EDA: variants seen among roughly 807,000 people sequenced by gnomAD.
EDA encodes ectodysplasin A.
A neutral mutation model predicts 23.6 loss-of-function variants in EDA; 2 were observed. The ratio of observed to expected loss-of-function variants is 0.08; its 90% CI spans 0.03 to 0.27. EDA has a LOEUF of 0.27. EDA is among the 10% of genes least tolerant of loss of function. The pLI is 1.00. For synonymous variants in EDA, 131 were observed against 132.0 expected (o/e 0.99, Z 0.05); for missense variants, 229 against 324.2 (o/e 0.71, Z 2.26).
intron 1 of EDA, among the ~76,000 whole-genome samples, chrX:69,828,441 C>G (rs886911361): frequency 1.8e-5 from 2 of 112,009 alleles, no homozygotes; most frequent in African/African-American, 6.5e-5. Context: ...GCGCAGTATT[C>G]GGGTGGGAGT....
intron 1 of EDA, among the ~76,000 whole-genome samples, chrX:69,930,040 C>A (rs767970872): frequency 1.8e-5 from 2 of 111,369 alleles, no homozygotes; most frequent in Non-Finnish European, 3.8e-5. Context: ...CCTCATATGG[C>A]ATTCATCCCA....
chrX:69,701,584 T>C (rs976505881), intron 1 of EDA, among the ~76,000 whole-genome samples: 5 of 111,470 alleles, frequency 4.5e-5, no homozygotes, highest in Non-Finnish European at 1.9e-5. Flanking sequence ...GTTGTAGGAT[T>C]TGAGGGCCAC....
At chrX:69,868,723 C>T (rs921134861) in intron 1 of EDA, among the ~76,000 whole-genome samples, 1 of 112,120 alleles carries the variant, frequency 8.9e-6, no homozygotes, top group African/African-American at 3.2e-5. Flanking sequence ...AGTATATTGC[C>T]GGCCTTGCCA....
intron 1 of EDA, among the ~76,000 whole-genome samples, chrX:69,754,767 T>C (rs755959160): frequency 1.8e-5 from 2 of 111,720 alleles, no homozygotes; most frequent in East Asian, 5.6e-4. Context: ...CTTTTTACTC[T>C]TTTTTCTCTA....
intron 1 of EDA, among the ~76,000 whole-genome samples, chrX:69,702,479 GGCTGGGAAGATGGCA>G: frequency 9.0e-6 from 1 of 110,582 alleles, no homozygotes; most frequent in African/African-American, 3.3e-5. Context: ...GGAAGATGGT[GGCTGGGAAGATGGCA>G]GCTGAGAGGA....
At chrX:69,874,100 C>T (rs993660639) in intron 1 of EDA, among the ~76,000 whole-genome samples, 2 of 111,493 alleles carry the variant, frequency 1.8e-5, no homozygotes, top group Non-Finnish European at 3.8e-5. Flanking sequence ...CACCTGAGGT[C>T]GGAAGTTCAA....
intron 1 of EDA, among the ~76,000 whole-genome samples, chrX:69,763,671 A>G (rs1165167412): frequency 2.7e-5 from 3 of 112,016 alleles, no homozygotes; most frequent in Non-Finnish European, 5.6e-5. Context: ...AGCACTAGAG[A>G]TACTTCACTC....
chrX:69,816,682 C>T (rs376588234), intron 1 of EDA, among the ~76,000 whole-genome samples: 4 of 110,731 alleles, frequency 3.6e-5, no homozygotes, highest in Non-Finnish European at 3.8e-5. Context: ...CCAAACCATC[C>T]GAGAAATATG....
At chrX:69,815,306 T>C (rs928612715) in intron 1 of EDA, among the ~76,000 whole-genome samples, 2 of 111,554 alleles carry the variant, frequency 1.8e-5, no homozygotes, top group African/African-American at 6.5e-5. Flanking sequence ...GCCAAACTGC[T>C]TCTTTAAGCA....
chrX:69,885,412 T>C (rs190296786), intron 1 of EDA, among the ~76,000 whole-genome samples: 37 of 112,279 alleles, frequency 3.3e-4, no homozygotes, highest in African/African-American at 1.1e-3. Context: ...AATTTGACTA[T>C]TCTAAGTACC....
chrX:69,828,709 G>C (rs771702520), intron 1 of EDA, among the ~76,000 whole-genome samples: 2 of 112,196 alleles, frequency 1.8e-5, no homozygotes, highest in South Asian at 3.8e-4. Flanking sequence ...TTCCTATTCG[G>C]CCATCTTGGC....
intron 2 of EDA, among the ~76,000 whole-genome samples, chrX:69,963,112 C>A (rs971696484): frequency 1.8e-5 from 2 of 111,800 alleles, no homozygotes. Flanking sequence ...ACTTAGTATT[C>A]TTTTCTACTA....
chrX:69,833,595 T>C (rs1322986776), intron 1 of EDA, among the ~76,000 whole-genome samples: 4 of 111,113 alleles, frequency 3.6e-5, no homozygotes, highest in Non-Finnish European at 7.5e-5. Flanking sequence ...TTTCTACTGA[T>C]TGGAGTCATT....
At chrX:69,943,624 A>C (rs761195880) in intron 1 of EDA, among the ~76,000 whole-genome samples, 1 of 111,318 alleles carries the variant, frequency 9.0e-6, no homozygotes, top group South Asian at 3.8e-4. Context: ...GTCAGACCCA[A>C]AGCCAAGATA....
Position 70,027,898 on chromosome X carries a change from C to T in EDA, c.568C>T (p.Pro190Ser). 3.6e-6 allele frequency: 4 copies of T among 1,114,835 alleles called. No individual in the cohort carries two copies. Among genetic ancestry groups the T allele is most frequent in the Non-Finnish European group, 4.9e-6 (4 of 820,220 alleles). The allele number at this position is 1,114,835 out of a possible 1,213,427, so 91.9% of individuals were successfully genotyped here. A position where few individuals can be genotyped will look rare whatever the true frequency, so the allele number is the denominator to read the frequency against. Residue 190 changes from proline (P) to serine (S), a missense_variant, in exon 4 of 8, where the codon CCC becomes TCC. By Grantham distance (74) the Pro-to-Ser change is moderately conservative. Coordinates refer to ENST00000374552, the MANE Select transcript of EDA (RefSeq NM_001399.5). ...TCCTGGACCCAATGGCCCTCCAGGA[C>T]CCCCAGGACCTCCAGGACCCCAGGG... ...GPPGPNGPPG[P>S]PGPPGPQGPP...
Position 70,037,409 on chromosome X carries a change from C to T in EDA, c.*1800C>T, listed in dbSNP as rs1005789294. 2 of 111,899 alleles carry T rather than the reference C, an allele frequency of 1.8e-5. No homozygotes were observed. The highest frequency in any genetic ancestry group is 1.9e-5 in the Non-Finnish European group (1 of 53,170). The allele number at this position is 111,899 out of a possible 1,213,427, so 9.2% of individuals were successfully genotyped here. A position where few individuals can be genotyped will look rare whatever the true frequency, so the allele number is the denominator to read the frequency against. ...TGGCCCTAACTCCTATAAAGTGCCT[C>T]GGACAGTCCGCAGTTGTAGCAGAAA... On this transcript the variant is annotated 3_prime_UTR_variant, in exon 8 of 8. Coordinates refer to ENST00000374552, the MANE Select transcript of EDA (RefSeq NM_001399.5).
chrX:69,755,028 G>T (rs1037711546), intron 1 of EDA, among the ~76,000 whole-genome samples: 5 of 111,944 alleles, frequency 4.5e-5, no homozygotes, highest in Non-Finnish European at 7.5e-5. Context: ...GAAGTTTGTT[G>T]TTACTGATCA....
intron 1 of EDA, among the ~76,000 whole-genome samples, chrX:69,737,839 G>T (rs998170056): frequency 4.6e-5 from 3 of 65,741 alleles, no homozygotes; most frequent in Non-Finnish European, 2.8e-5. Flanking sequence ...ACTGGGTGAA[G>T]GATTCTAGGC....
At chrX:69,749,002 T>TATGTATAC (rs2147384874) in intron 1 of EDA, among the ~76,000 whole-genome samples, 1 of 104,026 alleles carries the variant, frequency 9.6e-6, no homozygotes, top group South Asian at 4.9e-4. Context: ...GTTAGTTACA[T>TATGTATAC]ATGTATACAT....
Sources: gnomAD v4.1 joint callset for allele counts (sites outside exome capture counted in the v4.1 genomes callset) on GRCh38, gnomAD v4.1.1 for gene constraint, MANE v1.5 for transcripts, NCBI Gene and HGNC (gene_info 2026-07-23, HGNC 2026-07-21) for gene names.